Variants in TBX4 observed in about 807,000 individuals in gnomAD.
TBX4 encodes the protein T-box transcription factor 4, also known as T-box transcription factor TBX4.
In TBX4, 13 loss-of-function variants were observed where a neutral mutation model predicts 54.6. The ratio of observed to expected loss-of-function variants is 0.24; its 90% CI spans 0.15 to 0.38. TBX4 has a LOEUF of 0.38. Ranked by LOEUF, TBX4 falls within the 10% of genes least tolerant of loss-of-function variation. TBX4 has a pLI of 1.00. For missense variants in TBX4, 631 were observed against 728.5 expected (o/e 0.87, Z 1.54); for synonymous variants, 314 against 306.7 (o/e 1.02, Z -0.25).
rs2060498875 is a variant in TBX4 at position 61,462,203 on chromosome 17, T to C, written c.282-3616T>C. Among the ~76,000 whole-genome samples the C allele has an allele frequency of 6.6e-6, 1 of 152,082 alleles. No individual in the cohort carries two copies. Among genetic ancestry groups the C allele is most frequent in the African/African-American group, 2.4e-5 (1 of 41,400 alleles). Reference sequence around the variant, plus strand: ...TTCATTCTAAAGCCATTTCCGAGTATGAATAGATAAAGGCTCCAGCTCCGC... The same window carrying C: ...TTCATTCTAAAGCCATTTCCGAGTACGAATAGATAAAGGCTCCAGCTCCGC... On this transcript the variant is annotated intron_variant, in intron 3 of 8. Coordinates refer to ENST00000644296, the MANE Select transcript of TBX4 (RefSeq NM_001321120.2). This position sits in a 1 kb window ranked among gnomAD's most constrained non-coding sequence, Gnocchi z 4.5.
At chr17:61,456,334 G>A (rs980546341) in intron 1 of TBX4, 154 bp from the exon 2 acceptor site, 3 of 988,136 alleles carry the variant, frequency 3.0e-6, no homozygotes, top group Non-Finnish European at 4.6e-6. Context: ...CTTCCTTGCG[G>A]GTTCCCTCCT....
chr17:61,479,770 A>G lies in TBX4; in HGVS notation c.703-111A>G. On this transcript the variant is annotated intron_variant, in intron 6 of 8. Transcript: ENST00000644296. This position sits in a 1 kb window ranked among gnomAD's most constrained non-coding sequence, Gnocchi z 6.1. Reference sequence around the variant, plus strand: ...GTAGTGAGAAGCGGTGAGGCTGGAGAGCGACCCCTGAGGGAGGGAGGTTAC... The same window carrying G: ...GTAGTGAGAAGCGGTGAGGCTGGAGGGCGACCCCTGAGGGAGGGAGGTTAC... 1.8e-6 allele frequency: 2 copies of G among 1,140,094 alleles called. No homozygotes were observed. The highest frequency in any genetic ancestry group is 1.3e-5 in the South Asian group (1 of 79,628). The allele number at this position is 1,140,094 out of a possible 1,614,324, so 70.6% of individuals were successfully genotyped here.
Position 61,464,593 on chromosome 17 carries a change from T to A in TBX4, c.282-1226T>A, listed in dbSNP as rs900722973. On this transcript the variant is annotated intron_variant, in intron 3 of 8. Coordinates refer to ENST00000644296, the MANE Select transcript of TBX4 (RefSeq NM_001321120.2). This position sits in a 1 kb window ranked among gnomAD's most constrained non-coding sequence, Gnocchi z 5.8. ...GCTCAGTGGGGCTTAGTGTCTTCAC[T>A]GTGTCTTCAGCTAGGTTTGGATCCT... Among the ~76,000 whole-genome samples, 9 of 152,196 alleles carry A rather than the reference T, an allele frequency of 5.9e-5. No individual in the cohort carries two copies. Among genetic ancestry groups the A allele is most frequent in the African/African-American group, 2.2e-4 (9 of 41,448 alleles).
At position 61,465,962 on chromosome 17, in the gene TBX4, C is replaced by T. The variant is rs746427716; in HGVS notation, c.401+24C>T. 1 of 1,613,188 alleles carries T rather than the reference C, an allele frequency of 6.2e-7. No individual in the cohort carries two copies. The highest frequency in any genetic ancestry group is 8.5e-7 in the Non-Finnish European group (1 of 1,179,394). On this transcript the variant is annotated intron_variant, in intron 4 of 8. Transcript: ENST00000644296. The surrounding 1 kb of genome is among the most constrained non-coding windows in gnomAD (Gnocchi z 4.9). The stretch of plus-strand genomic sequence containing the variant: ...TGGTAAGTGGACCCTGACCGCATCA[C>T]CCACGTTCCCTCAACTGCCCACTTG...
chr17:61,472,331 A>G lies in TBX4; in HGVS notation c.549+4674A>G, dbSNP rs2143838344. Among the ~76,000 whole-genome samples the G allele has an allele frequency of 6.6e-6, 1 of 152,266 alleles. No individual in the cohort carries two copies. The highest frequency in any genetic ancestry group is 1.9e-4 in the East Asian group (1 of 5,194). On this transcript the variant is annotated intron_variant, in intron 5 of 8. Transcript: ENST00000644296. This position sits in a 1 kb window ranked among gnomAD's most constrained non-coding sequence, Gnocchi z 4.5. ...TAAGGGCGGGAGAGCAAACTTGTGGATTTTTGTCAGTTTGACAGGTGAAAT... is the reference window on the plus strand; with the variant it reads ...TAAGGGCGGGAGAGCAAACTTGTGGGTTTTTGTCAGTTTGACAGGTGAAAT...
At position 61,478,785 on chromosome 17, in the gene TBX4, G is replaced by C; in HGVS notation, c.702+6G>C. On this transcript the variant is annotated splice_donor_region_variant and intron_variant, in intron 6 of 8. Coordinates refer to ENST00000644296, the MANE Select transcript of TBX4 (RefSeq NM_001321120.2). This position sits in a 1 kb window ranked among gnomAD's most constrained non-coding sequence, Gnocchi z 7.4. Reference sequence around the variant, plus strand: ...CCTCCTACCAGAATCACAAGGTACAGCCACTGCCCCACTGCCCCACAGCCC... The same window carrying C: ...CCTCCTACCAGAATCACAAGGTACACCCACTGCCCCACTGCCCCACAGCCC... The C allele has an allele frequency of 6.2e-7, 1 of 1,614,094 alleles. No homozygotes were observed. Among genetic ancestry groups the C allele is most frequent in the Non-Finnish European group, 8.5e-7 (1 of 1,180,018 alleles).
Position 61,484,673 on chromosome 17 carries a change from G to T in TBX4, c.*1157G>T, listed in dbSNP as rs1444772895. On this transcript the variant is annotated 3_prime_UTR_variant, in exon 9 of 9. Transcript: ENST00000644296. This position sits in a 1 kb window ranked among gnomAD's most constrained non-coding sequence, Gnocchi z 4.1. ...ATACCACCAGGCCATCAGTGTGGCT[G>T]GGGTGAACTCTCCATCAAACTTGGG... 1 of 151,662 alleles carries T rather than the reference G, an allele frequency of 6.6e-6. No homozygotes were observed. The highest frequency in any genetic ancestry group is 1.9e-4 in the East Asian group (1 of 5,194). 9.4% of individuals were successfully genotyped at this position (151,662 alleles called of 1,614,324 possible).
At position 61,460,801 on chromosome 17, in the gene TBX4, C is replaced by G. The variant is rs1362221342; in HGVS notation, c.281+3170C>G. On this transcript the variant is annotated intron_variant, in intron 3 of 8. Transcript: ENST00000644296. The surrounding 1 kb of genome is among the most constrained non-coding windows in gnomAD (Gnocchi z 4.4). ...CTGTCTCACTGCCCTACTCCTAGGTCAGGGTTTTGCCACCAGATAAATCTC... is the reference window on the plus strand; with the variant it reads ...CTGTCTCACTGCCCTACTCCTAGGTGAGGGTTTTGCCACCAGATAAATCTC... Among the ~76,000 whole-genome samples the G allele has an allele frequency of 6.6e-6, 1 of 152,222 alleles. No individual in the cohort carries two copies. Among genetic ancestry groups the G allele is most frequent in the Non-Finnish European group, 1.5e-5 (1 of 68,042 alleles).
rs1377604638 is a variant in TBX4, at chr17:61,457,211, G to A, written c.187-326G>A. ...AGGGTGCGTGCGCCTCTCCCTGTCT[G>A]TGTCTGCCCCGGGAGCCTGTGGCGA... is the stretch of plus-strand genomic sequence containing the variant. On this transcript the variant is annotated intron_variant, in intron 2 of 8. Coordinates refer to ENST00000644296, the MANE Select transcript of TBX4 (RefSeq NM_001321120.2). This position sits in a 1 kb window ranked among gnomAD's most constrained non-coding sequence, Gnocchi z 8.2. Among the ~76,000 whole-genome samples, 2 of 152,266 alleles carry A rather than the reference G, an allele frequency of 1.3e-5. No homozygotes were observed. Among genetic ancestry groups the A allele is most frequent in the East Asian group, 3.9e-4 (2 of 5,150 alleles).
chr17:61,470,179 GCCTGGAGATC>G (rs1490577051), intron 5 of TBX4, among the ~76,000 whole-genome samples: 2 of 152,182 alleles, frequency 1.3e-5, no homozygotes, highest in African/African-American at 4.8e-5. Flanking sequence ...TGTCCTTCTA[GCCTGGAGATC>G]CCTGGGCCCA....
In TBX4 at chr17:61,482,971, C is replaced by G; in HGVS notation, c.1096C>G (p.His366Asp). ...LEAPSSVGED[H>D]YFRSPPPYDQ... ...AGCCCCCTCTTCGGTGGGGGAGGAT[C>G]ACTATTTCCGTTCCCCCCCTCCCTA... Residue 366 changes from histidine to aspartate, a missense_variant, in exon 9 of 9, where the codon CAC (histidine) becomes GAC (aspartate). By Grantham distance (81) the His-to-Asp change is moderately conservative (BLOSUM62 -1). Around this residue, in one of 3 missense-constraint regions of TBX4, gnomAD observed 354 missense variants for 368.9 expected, o/e 0.96. Transcript: ENST00000644296. The G allele has an allele frequency of 6.2e-7, 1 of 1,614,008 alleles. No individual in the cohort carries two copies. Among genetic ancestry groups the G allele is most frequent in the Non-Finnish European group, 8.5e-7 (1 of 1,179,974 alleles).
At chr17:61,471,614 C>T (rs1232884086) in intron 5 of TBX4, among the ~76,000 whole-genome samples, 2 of 150,424 alleles carry the variant, frequency 1.3e-5, no homozygotes, top group African/African-American at 4.9e-5. Flanking sequence ...CAAAAGGTAG[C>T]ATACTATAGA....
At chr17:61,454,480 G>T (rs1222408908) in intron 1 of TBX4, among the ~76,000 whole-genome samples, 1 of 152,244 alleles carries the variant, frequency 6.6e-6, no homozygotes, top group Non-Finnish European at 1.5e-5. Flanking sequence ...GGCCGAGCGC[G>T]CCCAAGCTCG....
chr17:61,471,830 A>G (rs949714693), intron 5 of TBX4, among the ~76,000 whole-genome samples: 11 of 150,818 alleles, frequency 7.3e-5, no homozygotes, highest in African/African-American at 2.4e-4. Context: ...GGTTCAATCA[A>G]TTCTCCTGCC....
chr17:61,477,006 G>A (rs991330758), intron 5 of TBX4, among the ~76,000 whole-genome samples: 11 of 152,208 alleles, frequency 7.2e-5, no homozygotes, highest in African/African-American at 2.7e-4. Flanking sequence ...TTGGCACTCT[G>A]GTCACTAACA....
intron 1 of TBX4, among the ~76,000 whole-genome samples, chr17:61,454,836 C>T (rs781520712): frequency 6.6e-6 from 1 of 152,222 alleles, no homozygotes; most frequent in Non-Finnish European, 1.5e-5. Flanking sequence ...GCGGGCCAAG[C>T]GCGAGACGGC....
intron 1 of TBX4, 183 bp from the exon 2 acceptor site, chr17:61,456,305 G>A (rs2060448472): frequency 1.4e-6 from 1 of 717,190 alleles, no homozygotes. Context: ...AGCCTGAAGG[G>A]AGGAGGCGAG....
chr17:61,460,940 T>C lies in TBX4; in HGVS notation c.281+3309T>C, dbSNP rs1172034927. ...ACTCCTGTTGAACCTGTATTGTTTG[T>C]TATTCTGAGGCAAGGATTTGGCCCG... On this transcript the variant is annotated intron_variant, in intron 3 of 8. Transcript: ENST00000644296. This position sits in a 1 kb window ranked among gnomAD's most constrained non-coding sequence, Gnocchi z 4.4. Among the ~76,000 whole-genome samples the C allele has an allele frequency of 6.6e-6, 1 of 152,320 alleles. No homozygotes were observed. Among genetic ancestry groups the C allele is most frequent in the Admixed American group, 6.5e-5 (1 of 15,306 alleles).
chr17:61,455,853 A>C (rs1302577319), intron 1 of TBX4, among the ~76,000 whole-genome samples: 1 of 152,190 alleles, frequency 6.6e-6, no homozygotes, highest in Non-Finnish European at 1.5e-5. Flanking sequence ...TGTCTGTGCC[A>C]GAACGGGAAG....
Sources: gnomAD v4.1 joint callset for allele counts (sites outside exome capture counted in the v4.1 genomes callset) on GRCh38, gnomAD v4.1.1 for gene constraint, gnomAD v4.1.1 regional missense constraint, Gnocchi (gnomAD v3.1) non-coding constraint, MANE v1.5 for transcripts, NCBI Gene and HGNC (gene_info 2026-07-23, HGNC 2026-07-21) for gene names.